Variants in DOCK8 observed in about 807,000 individuals in gnomAD.
DOCK8 encodes dedicator of cytokinesis 8, also known as dedicator of cytokinesis protein 8.
A neutral mutation model predicts 245.6 loss-of-function variants in DOCK8; 141 were observed. The observed-to-expected ratio is 0.57, with a 90% CI of 0.50 to 0.66. The LOEUF (loss-of-function observed/expected upper bound fraction) is 0.66, where lower values mean the gene tolerates loss of function less well. Among genes scored for constraint, DOCK8 ranks in the 30% least tolerant of loss-of-function variants. DOCK8 has a pLI of 0.00. For missense variants in DOCK8, 2,965 were observed against 2,603.4 expected, an observed-to-expected ratio of 1.14 and a Z score of -3.02; for synonymous variants, 1,168 against 970.2, an observed-to-expected ratio of 1.20 and a Z score of -3.79.
Position 382,410 on chromosome 9 carries a change from C to G in DOCK8, c.2606-103C>G, listed in dbSNP as rs748428. 6.2e-3 allele frequency: 9,167 copies of G among 1,489,590 alleles called. 427 individuals are homozygous for G. In the African/African-American group the frequency reaches 0.11, roughly 18 times the overall value. 92.3% of individuals were successfully genotyped at this position (1,489,590 alleles called of 1,614,324 possible). ...AAGTCTCTAATTCCAAGGCCTAATC[C>G]GGTGGCTTTTCATCCACCCTATCCC... On this transcript the variant is annotated intron_variant, in intron 21 of 47. Coordinates refer to ENST00000432829, the MANE Select transcript of DOCK8 (RefSeq NM_203447.4).
chr9:390,571 G>A lies in DOCK8; in HGVS notation c.2970+5G>A. 6.2e-7 allele frequency: 1 copy of A among 1,613,670 alleles called. No homozygotes were observed. Among genetic ancestry groups the A allele is most frequent in the Non-Finnish European group, 8.5e-7 (1 of 1,179,570 alleles). On this transcript the variant is annotated splice_donor_5th_base_variant and intron_variant, in intron 24 of 47. Coordinates refer to ENST00000432829, the MANE Select transcript of DOCK8 (RefSeq NM_203447.4). ...TGGTTCTTCTTTGAGCTTCTGGTGAGATTCTTGCGCGTTTGTATCTGTGCT... is the reference window on the plus strand; with the variant it reads ...TGGTTCTTCTTTGAGCTTCTGGTGAAATTCTTGCGCGTTTGTATCTGTGCT...
chr9:294,279 T>C (rs1262888463), intron 4 of DOCK8, among the ~76,000 whole-genome samples: 1 of 152,180 alleles, frequency 6.6e-6, no homozygotes, highest in African/African-American at 2.4e-5. Context: ...GCCCCATACA[T>C]GTGTGTGAAT....
chr9:291,021 T>G (rs1000577287), intron 4 of DOCK8, among the ~76,000 whole-genome samples: 2 of 152,202 alleles, frequency 1.3e-5, no homozygotes, highest in African/African-American at 2.4e-5. Flanking sequence ...AAAACAAAGT[T>G]TGCTGGGCAG....
At chr9:455,668 C>A (rs2131917019) in intron 46 of DOCK8, among the ~76,000 whole-genome samples, 1 of 152,276 alleles carries the variant, frequency 6.6e-6, no homozygotes, top group South Asian at 2.1e-4. Flanking sequence ...TCCTCCCTTT[C>A]ACATTTCTCC....
chr9:253,165 C>T (rs1246572229), intron 1 of DOCK8, among the ~76,000 whole-genome samples: 1 of 152,158 alleles, frequency 6.6e-6, no homozygotes, highest in Admixed American at 6.5e-5. Context: ...CTGGGCTTCA[C>T]TTCCTCAGTG....
At chr9:340,358 A>C (rs1224530061) in intron 14 of DOCK8, 37 bp downstream of exon 14, 2 of 1,612,828 alleles carry the variant, frequency 1.2e-6, no homozygotes, top group South Asian at 2.2e-5. Flanking sequence ...GTGGTGGCTT[A>C]CACCATAATC....
At chr9:409,326 C>G (rs1564028330) in intron 28 of DOCK8, among the ~76,000 whole-genome samples, 1 of 152,180 alleles carries the variant, frequency 6.6e-6, no homozygotes, top group Non-Finnish European at 1.5e-5. Context: ...TAGAAATTGT[C>G]TATCATCTTT....
At chr9:456,039 T>G (rs1215036722) in intron 46 of DOCK8, among the ~76,000 whole-genome samples, 5 of 152,222 alleles carry the variant, frequency 3.3e-5, no homozygotes, top group Non-Finnish European at 5.9e-5. Flanking sequence ...TCATTATTCA[T>G]CTCTATGTGC....
intron 3 of DOCK8, 33 bp from the exon 4 acceptor site, chr9:289,477 A>G: frequency 6.4e-7 from 1 of 1,555,562 alleles, no homozygotes; most frequent in Non-Finnish European, 8.7e-7. Context: ...TTACCCAGTA[A>G]TAACGTGTTT....
intron 24 of DOCK8, among the ~76,000 whole-genome samples, chr9:392,158 G>A (rs895856382): frequency 6.6e-6 from 1 of 151,326 alleles, no homozygotes; most frequent in African/African-American, 2.4e-5. Context: ...AAAAAAGAGA[G>A]AGGGACTAAA....
intron 46 of DOCK8, among the ~76,000 whole-genome samples, chr9:457,343 G>A (rs1191502215): frequency 6.6e-6 from 1 of 152,278 alleles, no homozygotes; most frequent in Admixed American, 6.5e-5. Context: ...AATAATAATT[G>A]TACCTCTCCC....
At chr9:231,377 T>C (rs529807065) in intron 1 of DOCK8, among the ~76,000 whole-genome samples, 2 of 152,198 alleles carry the variant, frequency 1.3e-5, no homozygotes, top group African/African-American at 2.4e-5. Context: ...ATTGACTTGG[T>C]GATGCAGGCT....
rs554816901 is a variant in DOCK8, at chr9:340,473, T to C, written c.1679+152T>C. 4.6e-5 allele frequency: 44 copies of C among 959,022 alleles called. 4 individuals are homozygous for C. The African/African-American group carries it at 6.0e-4, about 13-fold the overall frequency. 59.4% of individuals were successfully genotyped at this position (959,022 alleles called of 1,614,324 possible). A position where few individuals can be genotyped will look rare whatever the true frequency, so the allele number is the denominator to read the frequency against. On this transcript the variant is annotated intron_variant, in intron 14 of 47. Transcript: ENST00000432829. ...GTGTCTCTACAACATATACAAAATT[T>C]AGCTGGGCATGGTGGTGCATGCTTG...
intron 20 of DOCK8, among the ~76,000 whole-genome samples, chr9:378,831 G>A (rs570844709): frequency 1.3e-5 from 2 of 152,306 alleles, no homozygotes; most frequent in African/African-American, 4.8e-5. Flanking sequence ...AAGCACAGTG[G>A]GGGCACAAAA....
At chr9:386,540 G>A (rs893475792) in intron 23 of DOCK8, 114 bp downstream of exon 23, 19 of 847,020 alleles carry the variant, frequency 2.2e-5, no homozygotes, top group Non-Finnish European at 9.6e-6. Context: ...TCCCTGATGT[G>A]CTAACACACA....
chr9:417,559 G>A (rs1025856347), intron 29 of DOCK8, among the ~76,000 whole-genome samples: 12 of 151,996 alleles, frequency 7.9e-5, no homozygotes, highest in African/African-American at 1.9e-4. Context: ...ACGGTTTATC[G>A]TTTTTTTGCT....
intron 1 of DOCK8, among the ~76,000 whole-genome samples, chr9:218,452 T>C (rs547140329): frequency 9.2e-5 from 14 of 152,330 alleles, no homozygotes; most frequent in African/African-American, 3.1e-4. Flanking sequence ...TTCCATTTTT[T>C]TGTTGCTGAC....
chr9:290,798 A>G (rs576642970), intron 4 of DOCK8, among the ~76,000 whole-genome samples: 12 of 152,344 alleles, frequency 7.9e-5, no homozygotes, highest in Admixed American at 3.3e-4. Context: ...TACCTCAGTA[A>G]GAATTACTAT....
At chr9:425,689 C>T (rs1014148609) in intron 33 of DOCK8, among the ~76,000 whole-genome samples, 2 of 147,552 alleles carry the variant, frequency 1.4e-5, no homozygotes, top group African/African-American at 5.0e-5. Flanking sequence ...CCCAGGAGTT[C>T]GAGGCTTCAG....
Sources: allele counts gnomAD v4.1 joint callset (sites outside exome capture counted in the v4.1 genomes callset), GRCh38; gene constraint gnomAD v4.1.1; transcripts MANE v1.5; gene names NCBI Gene and HGNC (gene_info 2026-07-23, HGNC 2026-07-21).